Variants in TENM3 observed in about 807,000 individuals in gnomAD.
The protein encoded by TENM3 is teneurin transmembrane protein 3, also known as teneurin-3.
A neutral mutation model predicts 255.1 loss-of-function variants in TENM3; 63 were observed. The observed-to-expected ratio is 0.25, with a 90% CI of 0.20 to 0.30. TENM3 has a LOEUF of 0.30. TENM3 is among the 10% of genes least tolerant of loss of function. The pLI is 1.00. For missense variants in TENM3, 2,929 were observed against 3,461.1 expected, an observed-to-expected ratio of 0.85 and a Z score of 3.86; for synonymous variants, 1,306 against 1,322.3, an observed-to-expected ratio of 0.99 and a Z score of 0.27.
At chr4:181,884,020 T>G in the TENM3 span, among the ~76,000 whole-genome samples, 1 of 152,152 alleles carries the variant, frequency 6.6e-6, no homozygotes, top group African/African-American at 2.4e-5. Context: ...GATAAATACA[T>G]TAAATAGTTG....
chr4:181,918,339 G>A, the TENM3 span, among the ~76,000 whole-genome samples: 1 of 152,072 alleles, frequency 6.6e-6, no homozygotes, highest in African/African-American at 2.4e-5. Context: ...TTAAGACACT[G>A]TTTACTTAGA....
the TENM3 span, among the ~76,000 whole-genome samples, chr4:181,914,037 C>T: frequency 6.6e-6 from 1 of 152,196 alleles, no homozygotes; most frequent in African/African-American, 2.4e-5. Flanking sequence ...CTCAACTGCA[C>T]TTTCTACTTC....
intron 3 of TENM3, among the ~76,000 whole-genome samples, chr4:182,365,368 T>G (rs533638576): frequency 1.5e-4 from 23 of 152,312 alleles, no homozygotes; most frequent in Non-Finnish European, 2.9e-4. Flanking sequence ...GAGACAGGTT[T>G]GGTTGCAGGA....
At chr4:182,701,796 A>G (rs1038132599) in intron 12 of TENM3, among the ~76,000 whole-genome samples, 1 of 152,212 alleles carries the variant, frequency 6.6e-6, no homozygotes, top group African/African-American at 2.4e-5. Flanking sequence ...ACTAGAAAGG[A>G]TTGTCTCAGC....
chr4:181,708,146 G>T, the TENM3 span, among the ~76,000 whole-genome samples: 1 of 152,100 alleles, frequency 6.6e-6, no homozygotes, highest in Non-Finnish European at 1.5e-5. Flanking sequence ...ATATCATGTT[G>T]TAATCCTCAC....
chr4:182,103,155 T>G, the TENM3 span, among the ~76,000 whole-genome samples: 1 of 152,240 alleles, frequency 6.6e-6, no homozygotes, highest in African/African-American at 2.4e-5. Flanking sequence ...CTATAAATAC[T>G]TATATTAATC....
At chr4:182,476,815 T>C (rs1262801732) in intron 3 of TENM3, among the ~76,000 whole-genome samples, 3 of 152,204 alleles carry the variant, frequency 2.0e-5, no homozygotes, top group Non-Finnish European at 1.5e-5. Context: ...CCATCTCTCC[T>C]GTTGTCTCAC....
intron 11 of TENM3, among the ~76,000 whole-genome samples, chr4:182,683,091 C>T (rs185928569): frequency 5.9e-5 from 9 of 152,208 alleles, no homozygotes; most frequent in Non-Finnish European, 1.2e-4. Context: ...TTAGAAAGTA[C>T]TTAAGAGCAT....
chr4:181,666,980 C>T, the TENM3 span, among the ~76,000 whole-genome samples: 42 of 152,262 alleles, frequency 2.8e-4, 3 homozygotes, highest in East Asian at 4.4e-3. Context: ...TATCATATCT[C>T]AGTGTACAGA....
intron 1 of TENM3, among the ~76,000 whole-genome samples, chr4:182,164,355 A>G (rs1369180064): frequency 6.6e-6 from 1 of 152,058 alleles, no homozygotes; most frequent in Non-Finnish European, 1.5e-5. Flanking sequence ...CTTCACCTCA[A>G]TCCCACTCAT....
At chr4:182,085,739 T>G in the TENM3 span, among the ~76,000 whole-genome samples, 1 of 152,146 alleles carries the variant, frequency 6.6e-6, no homozygotes, top group Non-Finnish European at 1.5e-5. Context: ...ATTCTTTAAT[T>G]TTACTAAAAT....
chr4:181,851,602 AC>A, the TENM3 span, among the ~76,000 whole-genome samples: 1 of 152,002 alleles, frequency 6.6e-6, no homozygotes, highest in Non-Finnish European at 1.5e-5. Flanking sequence ...ACGCACGCAA[AC>A]GCACACACGC....
chr4:181,502,006 C>T, the TENM3 span, among the ~76,000 whole-genome samples: 1 of 152,148 alleles, frequency 6.6e-6, no homozygotes, highest in East Asian at 1.9e-4. Flanking sequence ...TTCTGGCCCA[C>T]ATCAATACCT....
At chr4:182,668,558 C>G (rs142434264) in intron 6 of TENM3, among the ~76,000 whole-genome samples, 4 of 152,126 alleles carry the variant, frequency 2.6e-5, no homozygotes, top group Non-Finnish European at 5.9e-5. Flanking sequence ...CAAGCACACT[C>G]CACCAATCTT....
intron 3 of TENM3, among the ~76,000 whole-genome samples, chr4:182,480,501 T>A (rs1734091373): frequency 6.6e-6 from 1 of 152,078 alleles, no homozygotes; most frequent in Non-Finnish European, 1.5e-5. Context: ...GAAATACAGT[T>A]TTTAAGTTTG....
the TENM3 span, among the ~76,000 whole-genome samples, chr4:181,515,969 G>A: frequency 2.0e-5 from 3 of 152,134 alleles, no homozygotes; most frequent in Non-Finnish European, 4.4e-5. Context: ...TGGTAGATTG[G>A]ATAAAGAAAA....
At chr4:182,327,266 G>A (rs1763472445) in intron 2 of TENM3, among the ~76,000 whole-genome samples, 1 of 152,106 alleles carries the variant, frequency 6.6e-6, no homozygotes, top group Non-Finnish European at 1.5e-5. Context: ...AATATTCATA[G>A]TAGCCAAATA....
the TENM3 span, among the ~76,000 whole-genome samples, chr4:181,903,761 G>A: frequency 4.6e-5 from 7 of 152,142 alleles, no homozygotes; most frequent in Non-Finnish European, 1.0e-4. Flanking sequence ...GGGGCCCTGA[G>A]GAGGGCCCCT....
chr4:182,294,579 A>G (rs531723826), intron 1 of TENM3, among the ~76,000 whole-genome samples: 1 of 152,276 alleles, frequency 6.6e-6, no homozygotes, highest in Non-Finnish European at 1.5e-5. Context: ...TTCTCTGTGA[A>G]GAGATAGAAA....
Sources: allele counts gnomAD v4.1 joint callset (sites outside exome capture counted in the v4.1 genomes callset), GRCh38; gene constraint gnomAD v4.1.1; transcripts MANE v1.5; gene names NCBI Gene and HGNC (gene_info 2026-07-23, HGNC 2026-07-21).